PPP6C: variants seen among roughly 807,000 people sequenced by gnomAD.
The protein encoded by PPP6C is serine/threonine-protein phosphatase 6 catalytic subunit.
Under a neutral mutation model 39.8 loss-of-function variants are expected in PPP6C, and 11 were observed. That is an observed-to-expected ratio of 0.28 (90% CI 0.17 to 0.46). PPP6C has a LOEUF of 0.46. Among genes scored for constraint, PPP6C ranks in the 20% least tolerant of loss-of-function variants. The probability of loss-of-function intolerance (pLI) is 1.00; values close to 1 mark genes in which losing one functional copy is unlikely to be tolerated. For missense variants in PPP6C, 211 were observed against 373.9 expected (o/e 0.56, Z 3.59); for synonymous variants, 129 against 130.3 (o/e 0.99, Z 0.07).
intron 1 of PPP6C, among the ~76,000 whole-genome samples, chr9:125,180,387 TG>T (rs368878668): frequency 2.8e-4 from 42 of 152,316 alleles, no homozygotes; most frequent in African/African-American, 9.1e-4. Flanking sequence ...AGAACAAATA[TG>T]CCAGGAACTG....
intron 1 of PPP6C, among the ~76,000 whole-genome samples, chr9:125,185,845 G>T (rs1053913558): frequency 6.6e-6 from 1 of 151,440 alleles, no homozygotes; most frequent in African/African-American, 2.4e-5. Flanking sequence ...TTAACTGGGC[G>T]TGGTGGCACA....
rs1271408216 is a variant in PPP6C, at chr9:125,147,414, T to C, written c.*2259A>G. 6.6e-6 allele frequency: 1 copy of C among 152,044 alleles called. No individual in the cohort carries two copies. The highest frequency in any genetic ancestry group is 1.5e-5 in the Non-Finnish European group (1 of 68,026). The allele number at this position is 152,044 out of a possible 1,614,324, so 9.4% of individuals were successfully genotyped here. On this transcript the variant is annotated 3_prime_UTR_variant, in exon 7 of 7. Coordinates refer to ENST00000373547, the MANE Select transcript of PPP6C (RefSeq NM_002721.5). ...TCCACCACATGATAACTCTATATAGTACATATAGTACATAGCCCTTATTTA... is the reference window on the plus strand; with the variant it reads ...TCCACCACATGATAACTCTATATAGCACATATAGTACATAGCCCTTATTTA...
Position 125,189,698 on chromosome 9 carries a change from G to C in PPP6C, c.21C>G (p.Asp7Glu), listed in dbSNP as rs149106487. MAPLDLDKYVEIARLCK... is the reference protein window; with the variant it reads MAPLDLEKYVEIARLCK... ...ACAGCCGCGCTATTTCCACATACTT[G>C]TCCAGGTCTAGCGGCGCCATTTTAA... is the stretch of plus-strand genomic sequence containing the variant. Residue 7 changes from aspartate (D) to glutamate (E), a missense_variant, in exon 1 of 7, where the codon GAC (aspartate) becomes GAG (glutamate). Around this residue, in one of 2 missense-constraint regions of PPP6C, gnomAD observed 43 missense variants for 31.3 expected, o/e 1.38. Coordinates refer to ENST00000373547, the MANE Select transcript of PPP6C (RefSeq NM_002721.5). The C allele has an allele frequency of 2.1e-5, 34 of 1,608,892 alleles. 1 individual carries two copies. Among genetic ancestry groups the C allele is most frequent in the Non-Finnish European group, 2.6e-5 (31 of 1,178,066 alleles).
chr9:125,153,161 T>C (rs1199485717), intron 6 of PPP6C, among the ~76,000 whole-genome samples: 1 of 151,848 alleles, frequency 6.6e-6, no homozygotes, highest in Admixed American at 6.6e-5. Flanking sequence ...TGGTCCCAGC[T>C]ACTCAGGAGG....
intron 2 of PPP6C, among the ~76,000 whole-genome samples, chr9:125,164,649 T>C (rs1191862956): frequency 6.6e-6 from 1 of 152,052 alleles, no homozygotes; most frequent in African/African-American, 2.4e-5. Context: ...ATTGCCCAGG[T>C]TGGTCTCAAA....
chr9:125,179,107 C>T (rs1225706928), intron 1 of PPP6C, among the ~76,000 whole-genome samples: 3 of 151,366 alleles, frequency 2.0e-5, no homozygotes, highest in South Asian at 2.1e-4. Flanking sequence ...CCCAGCTACT[C>T]GAAAGGCAGA....
In PPP6C at chr9:125,148,930, AAAAAG is replaced by A. The variant is rs1275198742; in HGVS notation, c.*738_*742del. 6.6e-6 allele frequency: 1 copy of A among 152,208 alleles called. No homozygotes were observed. The highest frequency in any genetic ancestry group is 2.4e-5 in the African/African-American group (1 of 41,460). The allele number at this position is 152,208 out of a possible 1,614,324, so 9.4% of individuals were successfully genotyped here. A position where few individuals can be genotyped will look rare whatever the true frequency, so the allele number is the denominator to read the frequency against. ...AAAGGGTCAAGAACTCTGATTAGGA[AAAAAG>A]AAAAGATAACTTTACGCTAACAATG... On this transcript the variant is annotated 3_prime_UTR_variant, in exon 7 of 7. Transcript: ENST00000373547.
chr9:125,150,885 G>C (rs1159143111), intron 6 of PPP6C: 2 of 844,136 alleles, frequency 2.4e-6, no homozygotes, highest in East Asian at 2.5e-5. Context: ...CTGCAAGACT[G>C]CTTCAGCGAG....
intron 1 of PPP6C, 123 bp downstream of exon 1, chr9:125,189,521 T>G (rs947854514): frequency 6.7e-7 from 1 of 1,499,524 alleles, no homozygotes; most frequent in Admixed American, 2.5e-5. Context: ...CCGGGTCGAC[T>G]GGCAATGGGG....
Position 125,149,691 on chromosome 9 carries a change from T to C in PPP6C, c.900A>G (p.Thr300=), listed in dbSNP as rs774791051. The change falls in exon 7 of 7, where the codon ACA becomes ACG. Residue 300 remains threonine, a synonymous_variant. Coordinates refer to ENST00000373547, the MANE Select transcript of PPP6C (RefSeq NM_002721.5). The part of the protein sequence containing the change: ...DSERVIPPRT[T]TPYFL ...GAAGGCCTCAAAGGAAATATGGCGT[T>C]GTCGTTCTGGGAGGAATAACACGTT... 2.5e-6 allele frequency: 4 copies of C among 1,614,058 alleles called. No individual in the cohort carries two copies. The highest frequency in any genetic ancestry group is 1.7e-5 in the Admixed American group (1 of 60,022).
chr9:125,177,751 T>C (rs904718083), intron 1 of PPP6C, among the ~76,000 whole-genome samples: 2 of 152,104 alleles, frequency 1.3e-5, no homozygotes, highest in Non-Finnish European at 2.9e-5. Context: ...TTTTGACAAT[T>C]GTATAATGAC....
chr9:125,171,788 A>G, intron 1 of PPP6C: 1 of 429,220 alleles, frequency 2.3e-6, no homozygotes. Context: ...TCCTGACCTC[A>G]GGTGATCCAC....
chr9:125,186,167 T>C (rs183633520), intron 1 of PPP6C, among the ~76,000 whole-genome samples: 5 of 152,196 alleles, frequency 3.3e-5, no homozygotes, highest in Admixed American at 3.3e-4. Context: ...ATCTTGCTCA[T>C]TAAGTGGCCT....
At chr9:125,184,560 GAAA>G (rs552139301) in intron 1 of PPP6C, among the ~76,000 whole-genome samples, 2 of 115,172 alleles carry the variant, frequency 1.7e-5, no homozygotes, top group Admixed American at 8.8e-5. Flanking sequence ...CTACCTCAAA[GAAA>G]AAAAAAAAAA....
chr9:125,156,808 T>C (rs147929009), intron 4 of PPP6C, among the ~76,000 whole-genome samples: 3 of 151,696 alleles, frequency 2.0e-5, no homozygotes, highest in Non-Finnish European at 4.4e-5. Flanking sequence ...AAGAATTAGC[T>C]AGTTTGCTTT....
rs143470753 is a variant in PPP6C at position 125,160,849 on chromosome 9, T to C, written c.229A>G (p.Ile77Val). The C allele has an allele frequency of 3.4e-4, 547 of 1,585,686 alleles. 3 individuals are homozygous for C. In the African/African-American group the frequency reaches 7.0e-3, roughly 20 times the overall value. ...TGGQVPDTNY[I>V]FMGDFVDRGY... ...CACTGGTGTTTACATACCATAAATA[T>C]GTAGTTTGTGTCAGGAACCTGACCT... is the stretch of plus-strand genomic sequence containing the variant. Residue 77 changes from isoleucine (I) to valine (V), a missense_variant, in exon 3 of 7, where the codon ATA becomes GTA. Around this residue, in one of 2 missense-constraint regions of PPP6C, gnomAD observed 168 missense variants for 342.6 expected, o/e 0.49. Transcript: ENST00000373547.
At chr9:125,156,876 G>A (rs980425496) in intron 4 of PPP6C, among the ~76,000 whole-genome samples, 5 of 151,068 alleles carry the variant, frequency 3.3e-5, no homozygotes, top group Admixed American at 2.0e-4. Context: ...GGAATGGAGC[G>A]ATCTTGGCTC....
intron 2 of PPP6C, among the ~76,000 whole-genome samples, chr9:125,168,526 T>A (rs916829206): frequency 2.0e-5 from 3 of 151,994 alleles, no homozygotes; most frequent in Non-Finnish European, 4.4e-5. Flanking sequence ...TGGCGCGATC[T>A]CGGCTCACCA....
intron 1 of PPP6C, among the ~76,000 whole-genome samples, chr9:125,175,642 CAAAAAAA>C (rs1188824495): frequency 7.2e-5 from 4 of 55,860 alleles, no homozygotes; most frequent in African/African-American, 2.5e-4. Context: ...GACTCCGTCT[CAAAAAAA>C]AAAAAAAAAA....
Sources: gnomAD v4.1 joint callset for allele counts (sites outside exome capture counted in the v4.1 genomes callset) on GRCh38, gnomAD v4.1.1 for gene constraint, gnomAD v4.1.1 regional missense constraint, MANE v1.5 for transcripts, NCBI Gene and HGNC (gene_info 2026-07-23, HGNC 2026-07-21) for gene names.